The following CD99 variants were observed in gnomAD, a reference collection of about 807,000 sequenced individuals.
CD99 encodes CD99 antigen.
Under a neutral mutation model 28.4 loss-of-function variants are expected in CD99, and 19 were observed. The observed-to-expected ratio is 0.67, with a 90% CI of 0.47 to 0.98. The LOEUF (loss-of-function observed/expected upper bound fraction) is 0.98, where lower values mean the gene tolerates loss of function less well. CD99 is among the 50% of genes least tolerant of loss of function. The pLI, the probability that CD99 is intolerant of heterozygous loss-of-function variation, is 0.00. For synonymous variants in CD99, 103 were observed against 92.1 expected, an observed-to-expected ratio of 1.12 and a Z score of -0.67; for missense variants, 283 against 248.8, an observed-to-expected ratio of 1.14 and a Z score of -0.92.
At chrX:2,695,715 C>T (rs761908539) in intron 1 of CD99, among the ~76,000 whole-genome samples, 1 of 151,480 alleles carries the variant, frequency 6.6e-6, no homozygotes, top group South Asian at 2.1e-4. Flanking sequence ...CTCACTGCGA[C>T]CTGTGTCTCC....
chrX:2,695,370 A>C (rs1413526390), intron 1 of CD99, among the ~76,000 whole-genome samples: 1 of 151,454 alleles, frequency 6.6e-6, no homozygotes, highest in East Asian at 2.0e-4. Context: ...ATATCTGGCT[A>C]ATTTTTGTAT....
intron 8 of CD99, among the ~76,000 whole-genome samples, chrX:2,736,117 G>A (rs182335026): frequency 3.9e-4 from 59 of 151,786 alleles, no homozygotes; most frequent in Admixed American, 7.2e-4. Context: ...CAAGAGAATG[G>A]CGTGAACCCT....
At chrX:2,723,710 C>G (rs1381867307) in intron 7 of CD99, among the ~76,000 whole-genome samples, 3 of 152,132 alleles carry the variant, frequency 2.0e-5, no homozygotes, top group Non-Finnish European at 1.5e-5. Context: ...GCAGTATCCT[C>G]GGTTGCGCTT....
At chrX:2,698,311 A>G (rs1410167688) in intron 1 of CD99, among the ~76,000 whole-genome samples, 2 of 151,712 alleles carry the variant, frequency 1.3e-5, no homozygotes, top group Non-Finnish European at 2.9e-5. Flanking sequence ...CTGGGACCAC[A>G]GGCATGTGCC....
chrX:2,729,053 A>G (rs1358670310), intron 8 of CD99, among the ~76,000 whole-genome samples: 1 of 151,900 alleles, frequency 6.6e-6, no homozygotes, highest in African/African-American at 2.4e-5. Flanking sequence ...CTGGTCTCGA[A>G]CTCGTGACCT....
At chrX:2,701,973 T>TG (rs2047885989) in intron 1 of CD99, among the ~76,000 whole-genome samples, 1 of 152,202 alleles carries the variant, frequency 6.6e-6, no homozygotes, top group African/African-American at 2.4e-5. Context: ...AAAATATAGA[T>TG]GCCTGCATCT....
At chrX:2,694,173 T>C (rs1266276082) in intron 1 of CD99, among the ~76,000 whole-genome samples, 2 of 152,124 alleles carry the variant, frequency 1.3e-5, no homozygotes, top group Non-Finnish European at 2.9e-5. Flanking sequence ...CACAGCGGCC[T>C]GTGCGGTTTG....
chrX:2,691,675 TGTG>T, intron 1 of CD99: 1 of 703,958 alleles, frequency 1.4e-6, no homozygotes, highest in East Asian at 2.7e-5. Context: ...AACTCTTACA[TGTG>T]GGGCGGCCTT....
chrX:2,692,308 G>A (rs1474079114), intron 1 of CD99: 1 of 240,828 alleles, frequency 4.2e-6, no homozygotes, highest in Non-Finnish European at 8.2e-6. Flanking sequence ...AGGCTTTTAA[G>A]TAGACCGGCT....
chrX:2,692,579 C>G (rs940398779), intron 1 of CD99, among the ~76,000 whole-genome samples: 26 of 152,316 alleles, frequency 1.7e-4, no homozygotes, highest in African/African-American at 6.3e-4. Context: ...ATAATGAAGC[C>G]TGCTCCGTAG....
At chrX:2,694,254 C>A in intron 1 of CD99, among the ~76,000 whole-genome samples, 1 of 152,014 alleles carries the variant, frequency 6.6e-6, no homozygotes, top group Middle Eastern at 3.4e-3. Flanking sequence ...TCCCTCGCCC[C>A]AGTAGAGCAA....
intron 7 of CD99, among the ~76,000 whole-genome samples, chrX:2,725,549 T>G (rs1187438148): frequency 1.3e-5 from 2 of 152,196 alleles, no homozygotes. Flanking sequence ...GGTCTTTGCT[T>G]CTTTATCTTC....
chrX:2,720,474 C>A, intron 5 of CD99, 50 bp downstream of exon 5: 2 of 1,552,748 alleles, frequency 1.3e-6, no homozygotes, highest in Non-Finnish European at 1.8e-6. Flanking sequence ...CAGAATTCAG[C>A]GATATTTATG....
At chrX:2,730,253 G>A (rs1242015248) in intron 8 of CD99, among the ~76,000 whole-genome samples, 1 of 150,908 alleles carries the variant, frequency 6.6e-6, no homozygotes, top group African/African-American at 2.4e-5. Flanking sequence ...GCTCACTGCA[G>A]CCTCTGCCTC....
intron 1 of CD99, among the ~76,000 whole-genome samples, chrX:2,697,294 G>A (rs1358955931): frequency 6.6e-6 from 1 of 152,182 alleles, no homozygotes; most frequent in Non-Finnish European, 1.5e-5. Flanking sequence ...TGGGTCCCCT[G>A]TTTTTGAGAA....
chrX:2,739,386 G>A (rs1214552927), intron 9 of CD99, among the ~76,000 whole-genome samples: 3 of 152,154 alleles, frequency 2.0e-5, no homozygotes, highest in Non-Finnish European at 4.4e-5. Context: ...GAGAGATGCA[G>A]TGCTTATTTT....
intron 8 of CD99, among the ~76,000 whole-genome samples, chrX:2,736,786 G>A (rs6641641): frequency 0.1 from 15,824 of 151,940 alleles, 1,185 homozygotes; most frequent in East Asian, 0.33. Flanking sequence ...GAACCCGGGA[G>A]GCGGAGGTTG....
Position 2,725,409 on chromosome X carries a change from CAATAAT to C in CD99, c.362-844_362-839del, listed in dbSNP as rs773376665. Among the ~76,000 whole-genome samples the C allele has an allele frequency of 3.9e-3, 591 of 152,116 alleles. 6 individuals are homozygous for C. Among genetic ancestry groups the C allele is most frequent in the African/African-American group, 0.013 (521 of 41,502 alleles). The stretch of plus-strand genomic sequence containing the variant: ...CAAGAACCCATCTCAAAATAATACA[CAATAAT>C]AATAATTAATTAAATAGAGATAGAT... On this transcript the variant is annotated intron_variant, in intron 7 of 9. Coordinates refer to ENST00000381192, the MANE Select transcript of CD99 (RefSeq NM_002414.5).
intron 9 of CD99, among the ~76,000 whole-genome samples, chrX:2,740,031 G>T (rs377433651): frequency 3.3e-5 from 5 of 151,858 alleles, no homozygotes; most frequent in African/African-American, 1.2e-4. Context: ...GGCGGAGGTT[G>T]TGGTGAGCCA....
Sources: allele counts gnomAD v4.1 joint callset (sites outside exome capture counted in the v4.1 genomes callset), GRCh38; gene constraint gnomAD v4.1.1; transcripts MANE v1.5; gene names NCBI Gene and HGNC (gene_info 2026-07-23, HGNC 2026-07-21).